The following CNGA1 variants were observed in gnomAD, a reference collection of about 807,000 sequenced individuals.
CNGA1 encodes cyclic nucleotide gated channel subunit alpha 1, also known as cyclic nucleotide-gated channel alpha-1.
A neutral mutation model predicts 69.7 loss-of-function variants in CNGA1; 53 were observed. That is an observed-to-expected ratio of 0.76 (90% CI 0.61 to 0.96). The LOEUF is 0.96. Among genes scored for constraint, CNGA1 ranks in the 40% least tolerant of loss-of-function variants. The pLI is 0.00. For synonymous variants in CNGA1, 249 were observed against 283.5 expected (o/e 0.88, Z 1.22); for missense variants, 739 against 811.2 (o/e 0.91, Z 1.08).
intron 2 of CNGA1, among the ~76,000 whole-genome samples, chr4:48,006,697 C>T (rs1714934472): frequency 6.6e-6 from 1 of 152,130 alleles, no homozygotes. Flanking sequence ...TCTCAGCTCA[C>T]TGCAACCTCC....
intron 10 of CNGA1, among the ~76,000 whole-genome samples, chr4:47,939,233 C>A (rs1224583256): frequency 6.6e-6 from 1 of 152,114 alleles, no homozygotes; most frequent in Non-Finnish European, 1.5e-5. Flanking sequence ...AGTTAATAGT[C>A]CATCATGCCT....
intron 2 of CNGA1, among the ~76,000 whole-genome samples, chr4:48,009,383 T>A (rs1052854960): frequency 4.7e-5 from 7 of 149,442 alleles, no homozygotes; most frequent in African/African-American, 1.7e-4. Flanking sequence ...GAGAATCACT[T>A]GAACCCGGGA....
chr4:47,976,321 A>G (rs1389857016), intron 3 of CNGA1, among the ~76,000 whole-genome samples: 5 of 38,098 alleles, frequency 1.3e-4, no homozygotes, highest in East Asian at 7.6e-4. Flanking sequence ...ATACATATAT[A>G]TGTATATATA....
intron 2 of CNGA1, among the ~76,000 whole-genome samples, chr4:47,982,852 T>G (rs1741791166): frequency 6.6e-6 from 1 of 152,206 alleles, no homozygotes; most frequent in Non-Finnish European, 1.5e-5. Flanking sequence ...TCGCCCAGGC[T>G]GGAGTGCAGT....
intron 2 of CNGA1, among the ~76,000 whole-genome samples, chr4:47,988,944 A>T (rs1172930420): frequency 6.6e-6 from 1 of 151,964 alleles, no homozygotes; most frequent in Admixed American, 6.6e-5. Context: ...TTTAAATAGA[A>T]TGTACAGGAT....
Position 47,951,412 on chromosome 4 carries a change from G to C in CNGA1, c.165C>G (p.Asn55Lys), listed in dbSNP as rs762187089. The change falls in exon 5 of 11, where the codon AAC becomes AAG. Residue 55 changes from asparagine to lysine, a missense_variant. Physicochemically the swap from Asn to Lys is moderately conservative, Grantham distance 94 (BLOSUM62 0). Coordinates refer to ENST00000514170, the MANE Select transcript of CNGA1 (RefSeq NM_001379270.1). ...AACTAAAGGAACCCCTTGCATGAGG[G>C]TTTTCATTCTCTGATTCTTCAGATG... ...ASTSEESENE[N>K]PHARGSFSYK... 1.2e-6 allele frequency: 2 copies of C among 1,613,770 alleles called. No homozygotes were observed. The highest frequency in any genetic ancestry group is 1.7e-5 in the Admixed American group (1 of 59,996).
chr4:48,014,910 C>T (rs1367105726), intron 1 of CNGA1, among the ~76,000 whole-genome samples: 4 of 152,148 alleles, frequency 2.6e-5, no homozygotes, highest in South Asian at 2.1e-4. Context: ...AGGTGGCTCA[C>T]GCCTGTAATC....
chr4:47,976,631 G>A (rs181784881), intron 3 of CNGA1, among the ~76,000 whole-genome samples: 2 of 151,892 alleles, frequency 1.3e-5, no homozygotes, highest in Admixed American at 6.6e-5. Context: ...TACTTCTCTC[G>A]CAAGTTTATA....
chr4:47,955,379 C>T (rs562799091), intron 3 of CNGA1, among the ~76,000 whole-genome samples: 2 of 151,996 alleles, frequency 1.3e-5, no homozygotes, highest in East Asian at 1.9e-4. Context: ...GACAGGGTTT[C>T]GCCATGTTGG....
Position 47,936,840 on chromosome 4 carries a change from T to C in CNGA1, c.1642A>G (p.Ile548Val), listed in dbSNP as rs765523630. The change falls in exon 11 of 11, where the codon ATT becomes GTT. Residue 548 changes from isoleucine to valine, a missense_variant. Ile to Val is a conservative substitution (Grantham distance 29). Transcript: ENST00000514170. ...CGATTGCCAGCTTTGCTCCCTTTAA[T>C]GTTAAGAATGCTGATCTCACCGAAG... Reference protein sequence around the residue: ...SYFGEISILNIKGSKAGNRRT... With the variant: ...SYFGEISILNVKGSKAGNRRT... 1.2e-6 allele frequency: 2 copies of C among 1,614,130 alleles called. No homozygotes were observed. Among genetic ancestry groups the C allele is most frequent in the East Asian group, 4.5e-5 (2 of 44,878 alleles).
rs748884455 is a variant in CNGA1 at position 47,936,664 on chromosome 4, A to G, written c.1818T>C (p.Asp606=). The G allele has an allele frequency of 2.5e-6, 4 of 1,614,088 alleles. No homozygotes were observed. Among genetic ancestry groups the G allele is most frequent in the Non-Finnish European group, 3.4e-6 (4 of 1,180,014 alleles). The change falls in exon 11 of 11, where the codon GAT becomes GAC. Residue 606 remains aspartate, a synonymous_variant. Coordinates refer to ENST00000514170, the MANE Select transcript of CNGA1 (RefSeq NM_001379270.1). ...CACTGCCAGCATTTGCAATGTTTAGATCCAGTAGACCATCTTTCATTAAAA... is the reference window on the plus strand; with the variant it reads ...CACTGCCAGCATTTGCAATGTTTAGGTCCAGTAGACCATCTTTCATTAAAA... ...KQILMKDGLL[D]LNIANAGSDP...
Position 47,943,364 on chromosome 4 carries a change from G to C in CNGA1, c.329+7C>G. On this transcript the variant is annotated splice_region_variant and intron_variant, in intron 7 of 10. Coordinates refer to ENST00000514170, the MANE Select transcript of CNGA1 (RefSeq NM_001379270.1). The stretch of plus-strand genomic sequence containing the variant: ...AAAATGTGGGGTAATTCTTGCCAAA[G>C]TCTTACCTCTTCTTTTCTTTTTTCT... 2 of 1,528,196 alleles carry C rather than the reference G, an allele frequency of 1.3e-6. No individual in the cohort carries two copies. The highest frequency in any genetic ancestry group is 1.8e-6 in the Non-Finnish European group (2 of 1,136,152). The allele number at this position is 1,528,196 out of a possible 1,614,324, so 94.7% of individuals were successfully genotyped here.
At chr4:47,975,634 TG>T (rs1741308647) in intron 3 of CNGA1, among the ~76,000 whole-genome samples, 1 of 152,180 alleles carries the variant, frequency 6.6e-6, no homozygotes. Context: ...TTTTGTGCCC[TG>T]TTATAATCCC....
intron 9 of CNGA1, 84 bp downstream of exon 9, chr4:47,941,957 C>G (rs1739102878): frequency 3.7e-6 from 3 of 817,850 alleles, no homozygotes; most frequent in Non-Finnish European, 6.0e-6. Flanking sequence ...CTAAAGGGCT[C>G]TAAGTCAAAT....
At chr4:47,967,909 T>G (rs1162833413) in intron 3 of CNGA1, among the ~76,000 whole-genome samples, 1 of 151,012 alleles carries the variant, frequency 6.6e-6, no homozygotes, top group Non-Finnish European at 1.5e-5. Flanking sequence ...ACCGGGGAGG[T>G]GGAGGTTGCA....
chr4:47,983,311 C>T (rs1578111307), intron 2 of CNGA1, among the ~76,000 whole-genome samples: 3 of 152,104 alleles, frequency 2.0e-5, no homozygotes, highest in South Asian at 4.2e-4. Context: ...AGCCCCTTGG[C>T]GGGGCGTCGT....
At chr4:47,956,220 C>T (rs1202306251) in intron 3 of CNGA1, among the ~76,000 whole-genome samples, 1 of 152,162 alleles carries the variant, frequency 6.6e-6, no homozygotes, top group East Asian at 1.9e-4. Flanking sequence ...GCTATGGCTG[C>T]CAGCAAGAAT....
intron 6 of CNGA1, among the ~76,000 whole-genome samples, chr4:47,945,452 A>G (rs1739340675): frequency 6.6e-6 from 1 of 152,160 alleles, no homozygotes; most frequent in Non-Finnish European, 1.5e-5. Context: ...AAAAAAGAAT[A>G]CTTAGATACA....
chr4:47,936,330 GTC>G lies in CNGA1; in HGVS notation c.*89_*90del. Reference sequence around the variant, plus strand: ...CCTCATGGAAAAATTTCCCAACTGAGTCTTCCTCTTCTTTTAAATTTTAGTTG... The same window carrying G: ...CCTCATGGAAAAATTTCCCAACTGAGTTCCTCTTCTTTTAAATTTTAGTTG... On this transcript the variant is annotated 3_prime_UTR_variant, in exon 11 of 11. Transcript: ENST00000514170. The G allele has an allele frequency of 6.9e-7, 1 of 1,444,718 alleles. No homozygotes were observed. The highest frequency in any genetic ancestry group is 2.3e-5 in the East Asian group (1 of 43,240). 89.5% of individuals were successfully genotyped at this position (1,444,718 alleles called of 1,614,324 possible). A position where few individuals can be genotyped will look rare whatever the true frequency, so the allele number is the denominator to read the frequency against.
Sources: allele counts gnomAD v4.1 joint callset (sites outside exome capture counted in the v4.1 genomes callset), GRCh38; gene constraint gnomAD v4.1.1; transcripts MANE v1.5; gene names NCBI Gene and HGNC (gene_info 2026-07-23, HGNC 2026-07-21).